The following DENND2A variants were observed in gnomAD, a reference collection of about 807,000 sequenced individuals.
The protein encoded by DENND2A is DENN domain-containing protein 2A.
A neutral mutation model predicts 105.3 loss-of-function variants in DENND2A; 53 were observed. The observed-to-expected ratio is 0.50, with a 90% CI of 0.40 to 0.63. DENND2A has a LOEUF of 0.63. Among genes scored for constraint, DENND2A ranks in the 30% least tolerant of loss-of-function variants. DENND2A has a pLI of 0.00. For missense variants in DENND2A, 1,138 were observed against 1,279.6 expected (o/e 0.89, Z 1.69); for synonymous variants, 522 against 508.4 (o/e 1.03, Z -0.36).
Position 140,568,744 on chromosome 7 carries a change from C to G in DENND2A, c.1591+19G>C, listed in dbSNP as rs375400818. 3 of 1,614,004 alleles carry G rather than the reference C, an allele frequency of 1.9e-6. No individual in the cohort carries two copies. In the Admixed American group the frequency reaches 5.0e-5, roughly 27 times the overall value. ...CCAAGTCACCTGCCTGAGTCCTGCA[C>G]AGTAGTGGCTCTCCTCACCTTTCAG... On this transcript the variant is annotated intron_variant, in intron 8 of 19. Transcript: ENST00000496613.
At chr7:140,537,168 C>T (rs763590214) in intron 14 of DENND2A, among the ~76,000 whole-genome samples, 23 of 152,154 alleles carry the variant, frequency 1.5e-4, no homozygotes, top group Non-Finnish European at 2.9e-4. Context: ...CCTGGGATGG[C>T]AAATGTTGCT....
At chr7:140,562,167 C>T (rs1439485822) in intron 9 of DENND2A, among the ~76,000 whole-genome samples, 4 of 151,566 alleles carry the variant, frequency 2.6e-5, no homozygotes, top group East Asian at 4.0e-4. Context: ...GGATTACAGG[C>T]GTGAGCCACC....
chr7:140,535,657 C>T (rs541361695), intron 14 of DENND2A, among the ~76,000 whole-genome samples: 1 of 151,976 alleles, frequency 6.6e-6, no homozygotes, highest in Non-Finnish European at 1.5e-5. Context: ...TCTCAGCTCA[C>T]GGCAACCTCT....
Position 140,640,067 on chromosome 7 carries a change from G to C in DENND2A, c.-248+437C>G, listed in dbSNP as rs1801128879. ...GCTGTGAGGGGGGCCCGGCTGCTCA[G>C]CCGCCTCGATGCCCCGCGCTTGCAC... On this transcript the variant is annotated intron_variant, in intron 1 of 19. Transcript: ENST00000496613. This position sits in a 1 kb window ranked among gnomAD's most constrained non-coding sequence, Gnocchi z 4.9. Among the ~76,000 whole-genome samples, 1 of 152,186 alleles carries C rather than the reference G, an allele frequency of 6.6e-6. No individual in the cohort carries two copies. The highest frequency in any genetic ancestry group is 2.4e-5 in the African/African-American group (1 of 41,450).
intron 12 of DENND2A, among the ~76,000 whole-genome samples, chr7:140,547,738 T>C (rs180799384): frequency 3.3e-5 from 5 of 152,220 alleles, no homozygotes; most frequent in African/African-American, 1.2e-4. Context: ...GAAACTTAAA[T>C]GTCCATTAAC....
intron 1 of DENND2A, among the ~76,000 whole-genome samples, chr7:140,621,418 G>A (rs559577947): frequency 1.4e-5 from 2 of 147,390 alleles, no homozygotes; most frequent in Admixed American, 1.4e-4. Context: ...TTGTTATACT[G>A]TGTTGTTTAA....
intron 14 of DENND2A, among the ~76,000 whole-genome samples, chr7:140,536,343 A>AGT (rs1288115565): frequency 6.6e-6 from 1 of 151,752 alleles, no homozygotes; most frequent in African/African-American, 2.4e-5. Flanking sequence ...CAACAGAGCA[A>AGT]GCCTCCATCT....
chr7:140,563,999 C>T (rs1797735839), intron 9 of DENND2A, among the ~76,000 whole-genome samples: 1 of 151,940 alleles, frequency 6.6e-6, no homozygotes. Flanking sequence ...AATACACACA[C>T]AGGCAGGGCA....
At chr7:140,533,246 C>T (rs1796331702) in intron 14 of DENND2A, among the ~76,000 whole-genome samples, 1 of 152,182 alleles carries the variant, frequency 6.6e-6, no homozygotes, top group African/African-American at 2.4e-5. Flanking sequence ...CCGATTCAGC[C>T]TCCCAAAGTG....
rs1468164181 is a variant in DENND2A, at chr7:140,522,906, CCA to C, written c.2665+399_2665+400del. Among the ~76,000 whole-genome samples the C allele has an allele frequency of 5.9e-5, 9 of 151,554 alleles. No individual in the cohort carries two copies. In the East Asian group the frequency reaches 1.8e-3, roughly 30 times the overall value. ...TACAGGTGTGAGCTGCTGTGCCTGG[CCA>C]CAGTTTTTAATTTTTGATTTTTTGA... On this transcript the variant is annotated intron_variant, in intron 17 of 19. Coordinates refer to ENST00000496613, the MANE Select transcript of DENND2A (RefSeq NM_015689.5).
At chr7:140,528,444 C>T (rs1796139572) in intron 14 of DENND2A, among the ~76,000 whole-genome samples, 2 of 152,094 alleles carry the variant, frequency 1.3e-5, no homozygotes, top group South Asian at 4.1e-4. Context: ...TGAGCCTTAC[C>T]CAGAATTCTG....
chr7:140,531,903 G>A (rs755066082), intron 14 of DENND2A, among the ~76,000 whole-genome samples: 2 of 151,688 alleles, frequency 1.3e-5, no homozygotes, highest in Non-Finnish European at 2.9e-5. Context: ...GGGTCTGATT[G>A]TAAGATGTGC....
At chr7:140,597,057 G>A (rs1163582198) in intron 3 of DENND2A, among the ~76,000 whole-genome samples, 1 of 151,716 alleles carries the variant, frequency 6.6e-6, no homozygotes, top group Non-Finnish European at 1.5e-5. Flanking sequence ...AGAAAGAAAA[G>A]AGAAGACAGC....
intron 14 of DENND2A, among the ~76,000 whole-genome samples, chr7:140,540,181 C>T (rs374472694): frequency 2.6e-5 from 4 of 152,356 alleles, no homozygotes; most frequent in East Asian, 1.9e-4. Flanking sequence ...GCCTGGCTCT[C>T]GCTCCAAGGA....
At chr7:140,534,770 C>T (rs1200661226) in intron 14 of DENND2A, among the ~76,000 whole-genome samples, 6 of 152,162 alleles carry the variant, frequency 3.9e-5, no homozygotes, top group African/African-American at 1.4e-4. Context: ...AGAGAGTCCT[C>T]ACTCGCAGCT....
intron 12 of DENND2A, among the ~76,000 whole-genome samples, chr7:140,551,883 C>T (rs971628463): frequency 2.6e-5 from 4 of 152,138 alleles, no homozygotes; most frequent in East Asian, 1.9e-4. Flanking sequence ...GTGTGGTCTT[C>T]GGCAAGTCAT....
At chr7:140,639,561 A>G (rs1381593303) in intron 1 of DENND2A, among the ~76,000 whole-genome samples, 1 of 152,122 alleles carries the variant, frequency 6.6e-6, no homozygotes, top group African/African-American at 2.4e-5. Flanking sequence ...TTGATGATGT[A>G]AGGAGAAGGG....
intron 1 of DENND2A, among the ~76,000 whole-genome samples, chr7:140,618,662 T>C (rs540201264): frequency 3.3e-5 from 5 of 152,352 alleles, no homozygotes; most frequent in African/African-American, 1.2e-4. Context: ...TCTGTCTTGC[T>C]CACCTCTTCA....
In DENND2A at chr7:140,569,621, G is replaced by A. The variant is rs118060470; in HGVS notation, c.1540+24C>T. The A allele has an allele frequency of 3.4e-6, 5 of 1,490,034 alleles. No individual in the cohort carries two copies. The Admixed American group carries it at 6.7e-5, about 20-fold the overall frequency. The allele number at this position is 1,490,034 out of a possible 1,614,324, so 92.3% of individuals were successfully genotyped here. ...ATCTCTTTTCCGATTCTTGCGGGAGGAGGGCTGGTGGTGGGGGTTCTACCT... is the reference window on the plus strand; with the variant it reads ...ATCTCTTTTCCGATTCTTGCGGGAGAAGGGCTGGTGGTGGGGGTTCTACCT... On this transcript the variant is annotated intron_variant, in intron 7 of 19. Coordinates refer to ENST00000496613, the MANE Select transcript of DENND2A (RefSeq NM_015689.5).
Sources: allele counts gnomAD v4.1 joint callset (sites outside exome capture counted in the v4.1 genomes callset), GRCh38; gene constraint gnomAD v4.1.1; non-coding constraint Gnocchi (gnomAD v3.1); transcripts MANE v1.5; gene names NCBI Gene and HGNC (gene_info 2026-07-23, HGNC 2026-07-21).